PPM1B: variants seen among roughly 807,000 people sequenced by gnomAD.
PPM1B encodes the protein protein phosphatase, Mg2+/Mn2+ dependent 1B.
PPM1B carries 22 observed loss-of-function variants against 43.0 expected under a neutral mutation model. The ratio of observed to expected loss-of-function variants is 0.51; its 90% CI spans 0.37 to 0.73. PPM1B has a LOEUF of 0.73. Ranked by LOEUF, PPM1B falls within the 30% of genes least tolerant of loss-of-function variation. PPM1B has a pLI of 0.00. For synonymous variants in PPM1B, 217 were observed against 197.9 expected, an observed-to-expected ratio of 1.10 and a Z score of -0.81; for missense variants, 632 against 584.2, an observed-to-expected ratio of 1.08 and a Z score of -0.84.
At chr2:44,188,630 A>G (rs1175322874) in intron 1 of PPM1B, among the ~76,000 whole-genome samples, 1 of 151,764 alleles carries the variant, frequency 6.6e-6, no homozygotes, top group East Asian at 1.9e-4. Flanking sequence ...TCCTGGCCTC[A>G]AGTGATCCTC....
intron 1 of PPM1B, among the ~76,000 whole-genome samples, chr2:44,191,941 C>G (rs866010708): frequency 6.6e-6 from 1 of 152,044 alleles, no homozygotes; most frequent in Non-Finnish European, 1.5e-5. Flanking sequence ...TCAGTCCTGA[C>G]ACTTAGGGTG....
intron 1 of PPM1B, among the ~76,000 whole-genome samples, chr2:44,181,411 A>C (rs560953448): frequency 6.6e-6 from 1 of 152,194 alleles, no homozygotes; most frequent in Non-Finnish European, 1.5e-5. Flanking sequence ...AAACCACTGC[A>C]TCTTTTAGGG....
At chr2:44,190,542 T>G (rs1668361963) in intron 1 of PPM1B, among the ~76,000 whole-genome samples, 1 of 152,180 alleles carries the variant, frequency 6.6e-6, no homozygotes, top group African/African-American at 2.4e-5. Flanking sequence ...TTTCTCCCCT[T>G]TGCTTGTTCT....
chr2:44,220,158 A>C (rs1471185639), intron 5 of PPM1B, among the ~76,000 whole-genome samples: 1 of 152,070 alleles, frequency 6.6e-6, no homozygotes, highest in Non-Finnish European at 1.5e-5. Context: ...ATTAGAGGAA[A>C]TAAGCCCTCA....
chr2:44,233,851 A>G (rs1366463188), downstream of PPM1B: 6 of 985,522 alleles, frequency 6.1e-6, no homozygotes, highest in Non-Finnish European at 7.2e-6. Context: ...AGTGCTTTAC[A>G]TGATGATGTG....
At chr2:44,192,795 C>G (rs543964241) in intron 1 of PPM1B, among the ~76,000 whole-genome samples, 4 of 152,326 alleles carry the variant, frequency 2.6e-5, no homozygotes, top group Admixed American at 2.6e-4. Context: ...TTAGATGTCA[C>G]ATGCAAGTGA....
downstream of PPM1B, chr2:44,232,876 A>G (rs144015132): frequency 2.2e-4 from 213 of 974,332 alleles, 3 homozygotes; most frequent in East Asian, 0.011. Context: ...TTTTTTTCCA[A>G]TTTTACCTGT....
chr2:44,171,644 A>G (rs1667350396), intron 1 of PPM1B, among the ~76,000 whole-genome samples: 2 of 151,800 alleles, frequency 1.3e-5, no homozygotes, highest in South Asian at 2.1e-4. Flanking sequence ...AGCCTGGCCA[A>G]CATGGTGAAA....
At chr2:44,195,975 C>G (rs143965738) in intron 1 of PPM1B, among the ~76,000 whole-genome samples, 1 of 152,248 alleles carries the variant, frequency 6.6e-6, no homozygotes, top group East Asian at 1.9e-4. Context: ...CATCAGCTGC[C>G]TATCATGTTA....
intron 1 of PPM1B, among the ~76,000 whole-genome samples, chr2:44,192,332 C>T (rs1003796492): frequency 6.6e-6 from 1 of 152,050 alleles, no homozygotes; most frequent in African/African-American, 2.4e-5. Flanking sequence ...ATTTTCCTGT[C>T]TCAGCCTCCC....
At chr2:44,184,671 C>T (rs865840016) in intron 1 of PPM1B, among the ~76,000 whole-genome samples, 3 of 151,954 alleles carry the variant, frequency 2.0e-5, no homozygotes, top group Non-Finnish European at 4.4e-5. Context: ...TAGATTATGC[C>T]TCCCTTCTTC....
At chr2:44,209,399 T>C in intron 3 of PPM1B, 72 bp downstream of exon 3, 1 of 1,516,368 alleles carries the variant, frequency 6.6e-7, no homozygotes, top group South Asian at 1.3e-5. Context: ...CTAGCACTTT[T>C]GTCGCCTGGG....
downstream of PPM1B, among the ~76,000 whole-genome samples, chr2:44,238,547 G>C (rs1423110756): frequency 3.3e-5 from 5 of 151,922 alleles, no homozygotes; most frequent in East Asian, 9.8e-4. Context: ...ACTAAAAATA[G>C]AAAAATTAGC....
downstream of PPM1B, chr2:44,233,853 GA>G: frequency 1.0e-6 from 1 of 985,516 alleles, no homozygotes; most frequent in Non-Finnish European, 1.2e-6. Context: ...TGCTTTACAT[GA>G]TGATGTGAAA....
intron 3 of PPM1B, among the ~76,000 whole-genome samples, chr2:44,217,291 C>T (rs1044217443): frequency 1.5e-4 from 23 of 149,798 alleles, no homozygotes; most frequent in Admixed American, 1.1e-3. Context: ...CCCAGCTACT[C>T]GGGAGGCTGA....
chr2:44,189,520 A>G (rs542013748), intron 1 of PPM1B, among the ~76,000 whole-genome samples: 12 of 151,366 alleles, frequency 7.9e-5, no homozygotes, highest in East Asian at 7.8e-4. Flanking sequence ...CTGGAGTGCA[A>G]TGGCGCGATC....
At chr2:44,209,506 G>A (rs550747257) in intron 3 of PPM1B, 179 bp downstream of exon 3, 2 of 683,264 alleles carry the variant, frequency 2.9e-6, no homozygotes, top group East Asian at 6.5e-5. Context: ...TCCTGGTCAG[G>A]CGCAGTGGCT....
chr2:44,230,754 G>C lies in PPM1B; in HGVS notation c.*36G>C. On this transcript the variant is annotated 3_prime_UTR_variant, in exon 6 of 6. Transcript: ENST00000282412. ...TGGTAATATTTTTGTGATCTTTGAT[G>C]GTTTTTAACCTAGGAAGTGTAATGT... 6.3e-7 allele frequency: 1 copy of C among 1,587,886 alleles called. No individual in the cohort carries two copies. The highest frequency in any genetic ancestry group is 8.6e-7 in the Non-Finnish European group (1 of 1,165,120).
intron 1 of PPM1B, among the ~76,000 whole-genome samples, chr2:44,184,700 G>A (rs1480869216): frequency 6.6e-6 from 1 of 151,810 alleles, no homozygotes; most frequent in Non-Finnish European, 1.5e-5. Context: ...GTTGCTGTTG[G>A]CACAGACTAA....
Sources: allele counts gnomAD v4.1 joint callset (sites outside exome capture counted in the v4.1 genomes callset), GRCh38; gene constraint gnomAD v4.1.1; transcripts MANE v1.5; gene names NCBI Gene and HGNC (gene_info 2026-07-23, HGNC 2026-07-21).